Variants in FTCDNL1 observed in about 807,000 individuals in gnomAD.
FTCDNL1 encodes formiminotransferase N-terminal subdomain-containing protein.
FTCDNL1 carries 11 observed loss-of-function variants against 5.9 expected under a neutral mutation model. The ratio of observed to expected loss-of-function variants is 1.87; its 90% CI spans 1.18 to 3.10. FTCDNL1 has a LOEUF of 3.10. Ranked by LOEUF, FTCDNL1 falls within the 30% of genes most tolerant of loss-of-function variation. FTCDNL1 has a pLI of 0.00. For synonymous variants in FTCDNL1, 58 were observed against 24.8 expected (o/e 2.34, Z -3.99); for missense variants, 115 against 65.5 (o/e 1.76, Z -2.61).
the FTCDNL1 span, among the ~76,000 whole-genome samples, chr2:199,715,746 T>C: frequency 6.6e-6 from 1 of 152,018 alleles, no homozygotes; most frequent in Non-Finnish European, 1.5e-5. Flanking sequence ...AGAGGTTAAG[T>C]TACTTGTCCA....
chr2:199,777,031 C>T (rs968283796), intron 3 of FTCDNL1, among the ~76,000 whole-genome samples: 4 of 149,518 alleles, frequency 2.7e-5, no homozygotes, highest in African/African-American at 7.4e-5. Context: ...AGTGGCTCAC[C>T]CCTGTAATCC....
At chr2:199,724,749 AGTTT>A in the FTCDNL1 span, among the ~76,000 whole-genome samples, 1 of 152,158 alleles carries the variant, frequency 6.6e-6, no homozygotes, top group African/African-American at 2.4e-5. Context: ...TCTGAGAGAT[AGTTT>A]GTTATGATTT....
the FTCDNL1 span, among the ~76,000 whole-genome samples, chr2:199,731,214 A>G: frequency 6.6e-6 from 1 of 152,174 alleles, no homozygotes; most frequent in African/African-American, 2.4e-5. Flanking sequence ...TAAAGGGAAG[A>G]AAGAGCAATG....
intron 3 of FTCDNL1, among the ~76,000 whole-genome samples, chr2:199,786,072 G>A (rs925244642): frequency 3.3e-5 from 5 of 152,102 alleles, no homozygotes; most frequent in Admixed American, 6.6e-5. Context: ...AGTAATGCTC[G>A]GCTTGCCCTC....
the FTCDNL1 span, among the ~76,000 whole-genome samples, chr2:199,669,632 T>C: frequency 6.6e-6 from 1 of 152,228 alleles, no homozygotes; most frequent in Non-Finnish European, 1.5e-5. Flanking sequence ...TTCGTTTTTA[T>C]TTAACTCATC....
At chr2:199,839,186 A>C (rs2076514293) in intron 3 of FTCDNL1, among the ~76,000 whole-genome samples, 1 of 152,206 alleles carries the variant, frequency 6.6e-6, no homozygotes, top group Admixed American at 6.5e-5. Context: ...AGGCAAAAGC[A>C]ACAGGGTGAA....
chr2:199,764,939 A>G (rs1409532464), intron 3 of FTCDNL1, among the ~76,000 whole-genome samples: 1 of 152,158 alleles, frequency 6.6e-6, no homozygotes, highest in Non-Finnish European at 1.5e-5. Flanking sequence ...TCATCTAAGT[A>G]CAGACTTAGT....
At chr2:199,812,953 T>C (rs1233823716) in intron 4 of FTCDNL1, among the ~76,000 whole-genome samples, 3 of 152,218 alleles carry the variant, frequency 2.0e-5, no homozygotes, top group Non-Finnish European at 4.4e-5. Flanking sequence ...ATTTATCATA[T>C]ACTGTATGGC....
chr2:199,786,015 T>TAA (rs1252363466), intron 3 of FTCDNL1, among the ~76,000 whole-genome samples: 2 of 152,136 alleles, frequency 1.3e-5, no homozygotes, highest in African/African-American at 4.8e-5. Flanking sequence ...CGTGCTCCTA[T>TAA]TAGAATCTAA....
the FTCDNL1 span, among the ~76,000 whole-genome samples, chr2:199,730,717 A>G: frequency 6.6e-6 from 1 of 152,360 alleles, no homozygotes; most frequent in East Asian, 1.9e-4. Context: ...GGATGTGAAG[A>G]AATAGGAACA....
chr2:199,790,931 C>A lies in FTCDNL1; in HGVS notation c.212-30096G>T, dbSNP rs1473883377. Among the ~76,000 whole-genome samples, 3 of 152,212 alleles carry A rather than the reference C, an allele frequency of 2.0e-5. No individual in the cohort carries two copies. The East Asian group carries it at 5.8e-4, about 29-fold the overall frequency. ...ATATATAATATACTCTTTAACGCTG[C>A]AATCTCAACTTCTTAAAACCTATCC... On this transcript the variant is annotated intron_variant, in intron 3 of 3. Coordinates refer to the FTCDNL1 transcript ENST00000416668.
rs558070764 is a variant in FTCDNL1 at position 199,801,453 on chromosome 2, C to G, written c.212-40618G>C. On this transcript the variant is annotated intron_variant, in intron 3 of 3. Transcript: ENST00000416668. ...CTTGAGCTCAGGAGTTGGAGACCAGCCTGGGCAACATGGTGAGACTCCGTC... is the reference window on the plus strand; with the variant it reads ...CTTGAGCTCAGGAGTTGGAGACCAGGCTGGGCAACATGGTGAGACTCCGTC... 8.6e-4 allele frequency among the ~76,000 whole-genome samples: 131 copies of G among 151,894 alleles called. 1 individual carries two copies. The highest frequency in any genetic ancestry group is 9.1e-4 in the Non-Finnish European group (62 of 67,946).
chr2:199,677,331 T>C, the FTCDNL1 span, among the ~76,000 whole-genome samples: 1 of 152,212 alleles, frequency 6.6e-6, no homozygotes, highest in African/African-American at 2.4e-5. Flanking sequence ...TTACTTAGCC[T>C]AATTATCTTG....
intron 3 of FTCDNL1, among the ~76,000 whole-genome samples, chr2:199,762,702 G>T (rs1224173366): frequency 6.6e-6 from 1 of 152,098 alleles, no homozygotes; most frequent in African/African-American, 2.4e-5. Context: ...ACTTTCAGGT[G>T]CCTTATCTGT....
At chr2:199,715,360 T>C in the FTCDNL1 span, among the ~76,000 whole-genome samples, 16 of 152,100 alleles carry the variant, frequency 1.1e-4, no homozygotes, top group Non-Finnish European at 2.1e-4. Context: ...TGGGAGGTAA[T>C]TGAATCATGG....
chr2:199,762,993 A>G (rs113077487), intron 3 of FTCDNL1, among the ~76,000 whole-genome samples: 7 of 152,368 alleles, frequency 4.6e-5, no homozygotes, highest in African/African-American at 1.7e-4. Flanking sequence ...CATACTTGTC[A>G]TGAGATGCAT....
the FTCDNL1 span, among the ~76,000 whole-genome samples, chr2:199,735,134 AAC>A: frequency 1.2e-3 from 175 of 151,036 alleles, no homozygotes; most frequent in African/African-American, 3.3e-3. Context: ...AAAAAAAAAA[AAC>A]CACATTATTT....
chr2:199,725,906 G>A, the FTCDNL1 span, among the ~76,000 whole-genome samples: 15 of 152,172 alleles, frequency 9.9e-5, no homozygotes, highest in South Asian at 3.1e-3. Context: ...GGGTTCTCTG[G>A]ATTTCCTGAA....
At chr2:199,818,646 T>C (rs1559217160) in intron 4 of FTCDNL1, 1 of 152,110 alleles carries the variant, frequency 6.6e-6, no homozygotes, top group Non-Finnish European at 1.5e-5. Flanking sequence ...CAATATTTGT[T>C]TAAGATCAGA....
Sources: allele counts gnomAD v4.1 joint callset (sites outside exome capture counted in the v4.1 genomes callset), GRCh38; gene constraint gnomAD v4.1.1; transcripts MANE v1.5; gene names NCBI Gene and HGNC (gene_info 2026-07-23, HGNC 2026-07-21).